QARS1: variants seen among roughly 807,000 people sequenced by gnomAD.
QARS1 encodes the protein glutamine--tRNA ligase.
A neutral mutation model predicts 106.9 loss-of-function variants in QARS1; 79 were observed. The ratio of observed to expected loss-of-function variants is 0.74; its 90% confidence interval spans 0.62 to 0.89. QARS1 has a LOEUF of 0.89. Ranked by LOEUF, QARS1 falls within the 40% of genes least tolerant of loss-of-function variation. The pLI is 0.00. For missense variants in QARS1, 966 were observed against 997.2 expected (o/e 0.97, Z 0.42); for synonymous variants, 395 against 367.7 (o/e 1.07, Z -0.85).
In QARS1 at chr3:49,100,558, C is replaced by T. The variant is rs527696905; in HGVS notation, c.976+17G>A. The T allele has an allele frequency of 1.2e-5, 19 of 1,594,412 alleles. No individual in the cohort carries two copies. Among genetic ancestry groups the T allele is most frequent in the Middle Eastern group, 1.7e-4 (1 of 6,026 alleles). On this transcript the variant is annotated intron_variant, in intron 11 of 23. Coordinates refer to ENST00000306125, the MANE Select transcript of QARS1 (RefSeq NM_005051.3). ...CCCACTAACCACCAGCCCTTCTAGG[C>T]TTTGCCTAGTCCATACCTAGCCAGG... is the stretch of plus-strand genomic sequence containing the variant.
rs749078041 is a variant in QARS1, at chr3:49,101,327, C to T, written c.876+28G>A. The T allele has an allele frequency of 7.7e-6, 12 of 1,552,118 alleles. No homozygotes were observed. In the Admixed American group the frequency reaches 1.4e-4, roughly 18 times the overall value. On this transcript the variant is annotated intron_variant, in intron 10 of 23. Coordinates refer to ENST00000306125, the MANE Select transcript of QARS1 (RefSeq NM_005051.3). ...ATGGGAACAGCAAGTGGTCATCTTG[C>T]TTGCCAGGTCCCTAGACACATGCTT...
chr3:49,100,117 T>C, intron 13 of QARS1, 26 bp from the exon 14 acceptor site: 1 of 1,614,224 alleles, frequency 6.2e-7, no homozygotes, highest in South Asian at 1.1e-5. Flanking sequence ...ACTCAGGCTG[T>C]CTCTAAGCAC....
At chr3:49,096,430 G>C (rs530248771) in intron 23 of QARS1, among the ~76,000 whole-genome samples, 1 of 152,316 alleles carries the variant, frequency 6.6e-6, no homozygotes, top group African/African-American at 2.4e-5. Flanking sequence ...TTGGGAGGCT[G>C]AGACAGGCAG....
intron 7 of QARS1, 53 bp from the exon 8 acceptor site, chr3:49,101,952 C>T (rs920768389): frequency 1.9e-6 from 3 of 1,553,704 alleles, no homozygotes; most frequent in Admixed American, 1.9e-5. Flanking sequence ...TTACCATATC[C>T]TACAGCCAGA....
Position 49,104,426 on chromosome 3 carries a change from G to T in QARS1, c.163C>A (p.Leu55Met). The T allele has an allele frequency of 6.2e-7, 1 of 1,614,224 alleles. No individual in the cohort carries two copies. The highest frequency in any genetic ancestry group is 1.1e-5 in the South Asian group (1 of 91,088). ...GSTIDKATGILLYGLASRLRD... is the reference protein window; with the variant it reads ...GSTIDKATGIMLYGLASRLRD... ...AGTCGGGAGGCCAAGCCATATAACA[G>T]GATCCCGGTAGCTTTGTCAATGGTG... The change falls in exon 2 of 24, where the codon CTG (leucine) becomes ATG (methionine). Residue 55 changes from leucine to methionine, a missense_variant. Transcript: ENST00000306125.
chr3:49,103,221 G>T, intron 5 of QARS1, 124 bp downstream of exon 5: 1 of 1,016,568 alleles, frequency 9.8e-7, no homozygotes. Flanking sequence ...GCCTCCCAAA[G>T]TGCTGGGATC....
intron 3 of QARS1, 23 bp from the exon 4 acceptor site, chr3:49,103,729 G>T (rs1436814690): frequency 1.2e-6 from 2 of 1,612,048 alleles, no homozygotes; most frequent in African/African-American, 2.7e-5. Context: ...AAACCATGTG[G>T]TTCAGGAAAG....
At chr3:49,102,664 G>A (rs1405512590) in intron 5 of QARS1, 192 bp from the exon 6 acceptor site, 8 of 653,458 alleles carry the variant, frequency 1.2e-5, no homozygotes, top group Non-Finnish European at 1.4e-5. Flanking sequence ...TGCCCAGACT[G>A]GAGTCTTGCT....
chr3:49,100,630 A>G lies in QARS1; in HGVS notation c.921T>C (p.Pro307=). The G allele has an allele frequency of 6.2e-7, 1 of 1,611,688 alleles. No homozygotes were observed. Among genetic ancestry groups the G allele is most frequent in the Non-Finnish European group, 8.5e-7 (1 of 1,177,742 alleles). The change falls in exon 11 of 24, where the codon CCT becomes CCC. Residue 307 remains proline, a synonymous_variant. Coordinates refer to ENST00000306125, the MANE Select transcript of QARS1 (RefSeq NM_005051.3). ...TGAAGAACTTTGCTTCCTCCTTCTC[A>G]GGGTTGGTGTCATCAAAACGCAGAA... ...ICFLRFDDTN[P]EKEEAKFFTA...
rs777565710 is a variant in QARS1, at chr3:49,099,641, A to C, written c.1395T>G (p.Ser465=). ...GTGCATTGCAAAGCCAGAAGTAGGA[A>C]GAGCGTCTGGGGTGGGAGAGTAGGG... ...LCTKEFQARR[S]SYFWLCNALD... is the part of the protein sequence containing the mutation. The change falls in exon 16 of 24, where the codon TCT becomes TCG. Residue 465 remains serine, a synonymous_variant. Coordinates refer to ENST00000306125, the MANE Select transcript of QARS1 (RefSeq NM_005051.3). 2 of 1,614,152 alleles carry C rather than the reference A, an allele frequency of 1.2e-6. No homozygotes were observed.
At chr3:49,096,939 C>G (rs980029964) in intron 23 of QARS1, among the ~76,000 whole-genome samples, 6 of 141,104 alleles carry the variant, frequency 4.3e-5, no homozygotes, top group South Asian at 2.4e-4. Context: ...GGGCCGAGAT[C>G]GTGCCACTGT....
At position 49,099,917 on chromosome 3, in the gene QARS1, G is replaced by A. The variant is rs200410527; in HGVS notation, c.1295+44C>T. 5.2e-4 allele frequency: 834 copies of A among 1,613,968 alleles called. 1 individual carries two copies. Among genetic ancestry groups the A allele is most frequent in the Non-Finnish European group, 6.3e-4 (742 of 1,179,966 alleles). ...ACTCTGCCCTACCCCATGGCCCATC[G>A]CCCTGCTCGGCAGCCCCACCACCCC... On this transcript the variant is annotated intron_variant, in intron 14 of 23. Transcript: ENST00000306125.
chr3:49,099,829 G>A lies in QARS1; in HGVS notation c.1320C>T (p.Tyr440=), dbSNP rs767621889. 6 of 1,614,026 alleles carry A rather than the reference G, an allele frequency of 3.7e-6. No individual in the cohort carries two copies. Among genetic ancestry groups the A allele is most frequent in the Non-Finnish European group, 5.1e-6 (6 of 1,180,000 alleles). The part of the protein sequence containing the change: ...DKWCIYPTYD[Y]THCLCDSIEH... ...CGATGGAGTCACAGAGGCAGTGTGT[G>A]TAGTCGTAGGTGGGATAGATGCACC... The change falls in exon 15 of 24, where the codon TAC becomes TAT. Residue 440 remains tyrosine, a synonymous_variant. Transcript: ENST00000306125.
intron 23 of QARS1, among the ~76,000 whole-genome samples, 180 bp from the exon 24 acceptor site, chr3:49,096,259 G>A (rs1322405385): frequency 1.3e-5 from 2 of 152,204 alleles, no homozygotes; most frequent in African/African-American, 4.8e-5. Flanking sequence ...GACTGAATGG[G>A]GCTCTAGGCT....
chr3:49,104,277 T>C, intron 2 of QARS1, 47 bp downstream of exon 2: 1 of 1,608,414 alleles, frequency 6.2e-7, no homozygotes, highest in Non-Finnish European at 8.5e-7. Flanking sequence ...GGGTCTTGGC[T>C]GAAGGGAGGC....
rs527504481 is a variant in QARS1, at chr3:49,098,233, G to C, written c.2110C>G (p.Pro704Ala). The C allele has an allele frequency of 6.8e-6, 11 of 1,614,148 alleles. No homozygotes were observed. In the African/African-American group the frequency reaches 1.5e-4, roughly 22 times the overall value. The change falls in exon 22 of 24, where the codon CCT (proline) becomes GCT (alanine). Residue 704 changes from proline to alanine, a missense_variant. By Grantham distance (27) the Pro-to-Ala change is conservative (BLOSUM62 -1). Coordinates refer to ENST00000306125, the MANE Select transcript of QARS1 (RefSeq NM_005051.3). ...AAAAATCCACCAGGCACCTCAGTAG[G>C]ATCTTCAGGGTTCTTGTGCTGGAAT... ...RLFQHKNPED[P>A]TEVPGGFLSD...
rs2042475313 is a variant in QARS1 at position 49,101,832 on chromosome 3, C to A, written c.699G>T (p.Lys233Asn). The change falls in exon 8 of 24, where the codon AAG becomes AAT. Residue 233 changes from lysine (K) to asparagine (N), a missense_variant. Coordinates refer to ENST00000306125, the MANE Select transcript of QARS1 (RefSeq NM_005051.3). ...GGTTTTGACATGCCCACTAACCAGG[C>A]TTGTGGAACTTAAGGGCCTCCCCCC... Reference protein sequence around the residue: ...QLRGEALKFHKPGENYKTPGY... With the variant: ...QLRGEALKFHNPGENYKTPGY... 1.9e-6 allele frequency: 3 copies of A among 1,612,160 alleles called. No homozygotes were observed. The highest frequency in any genetic ancestry group is 2.7e-5 in the African/African-American group (2 of 74,862).
intron 5 of QARS1, among the ~76,000 whole-genome samples, chr3:49,102,972 T>C (rs552182595): frequency 1.3e-5 from 2 of 151,812 alleles, no homozygotes; most frequent in East Asian, 3.9e-4. Context: ...TTGTTGTTGA[T>C]TTTGAGACAG....
chr3:49,101,391 A>G lies in QARS1; in HGVS notation c.840T>C (p.His280=). The change falls in exon 10 of 24, where the codon CAT becomes CAC. Residue 280 remains histidine, a synonymous_variant. Transcript: ENST00000306125. Reference sequence around the variant, plus strand: ...CAAAGTTGAAATTGATGGCTTTGGCATGTCCAATATGCAGGATTCCATTGG... The same window carrying G: ...CAAAGTTGAAATTGATGGCTTTGGCGTGTCCAATATGCAGGATTCCATTGG... ...PEPNGILHIG[H]AKAINFNFGY... is the part of the protein sequence containing the mutation. The G allele has an allele frequency of 6.2e-7, 1 of 1,614,142 alleles. No homozygotes were observed. The highest frequency in any genetic ancestry group is 8.5e-7 in the Non-Finnish European group (1 of 1,179,972).
Sources: gnomAD v4.1 joint callset for allele counts (sites outside exome capture counted in the v4.1 genomes callset) on GRCh38, gnomAD v4.1.1 for gene constraint, MANE v1.5 for transcripts, NCBI Gene and HGNC (gene_info 2026-07-23, HGNC 2026-07-21) for gene names.